Variants in PHLDB2 observed in about 807,000 individuals in gnomAD.
PHLDB2 encodes pleckstrin homology like domain family B member 2, also known as pleckstrin homology-like domain family B member 2.
Under a neutral mutation model 123.6 loss-of-function variants are expected in PHLDB2, and 71 were observed. The ratio of observed to expected loss-of-function variants is 0.57; its 90% CI spans 0.47 to 0.70. PHLDB2 has a LOEUF of 0.70. Ranked by LOEUF, PHLDB2 falls within the 30% of genes least tolerant of loss-of-function variation. PHLDB2 has a pLI of 0.00. For missense variants in PHLDB2, 1,446 were observed against 1,519.5 expected, an observed-to-expected ratio of 0.95 and a Z score of 0.80; for synonymous variants, 547 against 541.6, an observed-to-expected ratio of 1.01 and a Z score of -0.14.
intron 1 of PHLDB2, among the ~76,000 whole-genome samples, chr3:111,777,511 C>G (rs2060287948): frequency 6.6e-6 from 1 of 152,054 alleles, no homozygotes; most frequent in Non-Finnish European, 1.5e-5. Context: ...TTAAATCAGA[C>G]CAGTCCACTC....
intron 1 of PHLDB2, among the ~76,000 whole-genome samples, chr3:111,810,267 G>A (rs911456099): frequency 5.9e-5 from 9 of 152,124 alleles, no homozygotes; most frequent in East Asian, 1.9e-4. Context: ...CCATATTACC[G>A]TGTGTTTTCA....
rs370569613 is a variant in PHLDB2, at chr3:111,776,397, A to T, written c.-49+43694A>T. 1.6e-4 allele frequency among the ~76,000 whole-genome samples: 25 copies of T among 152,264 alleles called. No homozygotes were observed. In the East Asian group the frequency reaches 4.4e-3, roughly 27 times the overall value. ...CTTTCTATTAATGTAACCTATTTTC[A>T]AAGTATTTATAATTTATGGGATTTG... On this transcript the variant is annotated intron_variant, in intron 1 of 17. Coordinates refer to the PHLDB2 transcript ENST00000393923.
Position 111,969,880 on chromosome 3 carries a change from G to C in PHLDB2, c.3506G>C (p.Arg1169Pro), listed in dbSNP as rs140319291. 6.2e-7 allele frequency: 1 copy of C among 1,613,756 alleles called. No homozygotes were observed. Among genetic ancestry groups the C allele is most frequent in the Non-Finnish European group, 8.5e-7 (1 of 1,179,848 alleles). ...AAAAAACGTTGGTTTGTTTTTGATC[G>C]GAACAAGCGAACATTCTCTTATTAT... is the stretch of plus-strand genomic sequence containing the variant. ...TWKKRWFVFD[R>P]NKRTFSYYAD... is the part of the protein sequence containing the mutation. The change falls in exon 16 of 18, where the codon CGG (arginine) becomes CCG (proline). Residue 1169 changes from arginine (R) to proline (P), a missense_variant. Arg to Pro is a moderately radical substitution (Grantham distance 103). Transcript: ENST00000431670.
In PHLDB2 at chr3:111,885,255, C is replaced by T. The variant is rs2066095712; in HGVS notation, c.1178C>T (p.Ala393Val). 6.2e-7 allele frequency: 1 copy of T among 1,614,044 alleles called. No individual in the cohort carries two copies. Among genetic ancestry groups the T allele is most frequent in the South Asian group, 1.1e-5 (1 of 91,090 alleles). The change falls in exon 2 of 18, where the codon GCA becomes GTA. Residue 393 changes from alanine to valine, a missense_variant. Around this residue, in one of 3 missense-constraint regions of PHLDB2, gnomAD observed 832 missense variants for 831.9 expected, o/e 1.00. Coordinates refer to ENST00000431670, the MANE Select transcript of PHLDB2 (RefSeq NM_001134438.2). The part of the protein sequence containing the change: ...FSCGSVEFDE[A>V]DLESLRQASG... ...TGTGGATCTGTGGAATTTGATGAGG[C>T]AGATTTGGAAAGCCTCAGACAGGCC...
chr3:111,966,191 A>G (rs1048231003), intron 13 of PHLDB2, among the ~76,000 whole-genome samples: 6 of 152,182 alleles, frequency 3.9e-5, no homozygotes, highest in Non-Finnish European at 8.8e-5. Context: ...AACGTTGGTG[A>G]TAGTCTTGTT....
rs917337818 is a variant in PHLDB2, at chr3:111,940,716, A to G, written c.2397+71A>G. The stretch of plus-strand genomic sequence containing the variant: ...CAAATTCAGGGAAATTGCCCCCTTT[A>G]AAGTAAACACCTTTTAATAGTGAAT... On this transcript the variant is annotated intron_variant, in intron 8 of 17. Coordinates refer to ENST00000431670, the MANE Select transcript of PHLDB2 (RefSeq NM_001134438.2). The G allele has an allele frequency of 4.4e-5, 34 of 779,456 alleles. No homozygotes were observed. The African/African-American group carries it at 5.7e-4, about 13-fold the overall frequency. The allele number at this position is 779,456 out of a possible 1,614,324, so 48.3% of individuals were successfully genotyped here. A position where few individuals can be genotyped will look rare whatever the true frequency, so the allele number is the denominator to read the frequency against.
chr3:111,838,934 G>T (rs1038964571), intron 1 of PHLDB2, among the ~76,000 whole-genome samples: 2 of 152,116 alleles, frequency 1.3e-5, no homozygotes, highest in African/African-American at 4.8e-5. Flanking sequence ...GAATTCAGCA[G>T]AATGAATATT....
chr3:111,781,412 G>C (rs560522879), intron 1 of PHLDB2, among the ~76,000 whole-genome samples: 1 of 151,866 alleles, frequency 6.6e-6, no homozygotes, highest in Non-Finnish European at 1.5e-5. Flanking sequence ...ATTACATTCT[G>C]TATCCACAGC....
At chr3:111,774,394 G>A (rs992522971) in intron 1 of PHLDB2, among the ~76,000 whole-genome samples, 2 of 152,182 alleles carry the variant, frequency 1.3e-5, no homozygotes, top group Non-Finnish European at 1.5e-5. Context: ...CAAAGTCCTG[G>A]TGCTAATGTA....
At chr3:111,832,301 C>A (rs547297369) in intron 1 of PHLDB2, among the ~76,000 whole-genome samples, 7 of 151,992 alleles carry the variant, frequency 4.6e-5, no homozygotes, top group Middle Eastern at 3.2e-3. Flanking sequence ...ATCTTTTCAA[C>A]TTTACTGCTT....
chr3:111,780,399 A>AGAAGAAGAAGAAGAAGAAGCAGAAGAAG lies in PHLDB2; in HGVS notation c.-49+47708_-49+47709insGAAGAAGCAGAAGAAGGAAGAAGAAGAA. ...AAGAAGAAGAAGAAGAAGAAGAAGAAGAAGAAGAAGAAAAAGATTAGTTCG... is the reference window on the plus strand; with the variant it reads ...AAGAAGAAGAAGAAGAAGAAGAAGAAGAAGAAGAAGAAGAAGAAGCAGAAGAAGGAAGAAGAAGAAAAAGATTAGTTCG... On this transcript the variant is annotated intron_variant, in intron 1 of 17. Transcript: ENST00000393923. Among the ~76,000 whole-genome samples the AGAAGAAGAAGAAGAAGAAGCAGAAGAAG allele has an allele frequency of 2.7e-5, 2 of 74,452 alleles. 1 individual carries two copies. The highest frequency in any genetic ancestry group is 8.7e-4 in the East Asian group (2 of 2,306). The allele number at this position is 74,452 out of a possible 152,430, so 48.8% of individuals were successfully genotyped here.
chr3:111,893,114 G>T (rs1454242100), intron 2 of PHLDB2, among the ~76,000 whole-genome samples: 2 of 151,962 alleles, frequency 1.3e-5, no homozygotes, highest in East Asian at 3.9e-4. Context: ...AATAAGTTGG[G>T]CATTCAGACC....
chr3:111,952,466 CTGTTAAAATTCCAGTTTTTTTTG>C (rs2070775668), intron 10 of PHLDB2, 83 bp from the exon 11 acceptor site: 27 of 1,265,860 alleles, frequency 2.1e-5, no homozygotes, highest in Non-Finnish European at 2.9e-5. Flanking sequence ...AAGAAAAATT[CTGTTAAAATTCCAGTTTTTTTTG>C]TAAGTGCATA....
chr3:111,732,703 G>T (rs1382040102), exon 1 of PHLDB2: 1 of 1,534,090 alleles, frequency 6.5e-7, no homozygotes, highest in Non-Finnish European at 8.7e-7. Context: ...CAGCAGACAA[G>T]GTAGGTGATC....
intron 5 of PHLDB2, among the ~76,000 whole-genome samples, chr3:111,930,797 T>A (rs956268449): frequency 6.6e-6 from 1 of 152,258 alleles, no homozygotes; most frequent in Non-Finnish European, 1.5e-5. Context: ...TTTTCGTTGT[T>A]GTCTGTTAAA....
At chr3:111,796,359 ATC>A (rs1311305603) in intron 1 of PHLDB2, among the ~76,000 whole-genome samples, 9 of 152,128 alleles carry the variant, frequency 5.9e-5, no homozygotes, top group Non-Finnish European at 1.3e-4. Context: ...TATGGCCAAA[ATC>A]TCTCCACTTT....
At chr3:111,970,815 C>T (rs979107413) in intron 16 of PHLDB2, among the ~76,000 whole-genome samples, 9 of 151,908 alleles carry the variant, frequency 5.9e-5, no homozygotes, top group Admixed American at 2.0e-4. Context: ...ATGAGCATCA[C>T]CAGGAATAGT....
chr3:111,752,627 CT>C (rs930680716), intron 1 of PHLDB2, among the ~76,000 whole-genome samples: 1 of 150,356 alleles, frequency 6.7e-6, no homozygotes, highest in Non-Finnish European at 1.5e-5. Context: ...AAAAAAATTT[CT>C]TTTTTATTAT....
intron 1 of PHLDB2, among the ~76,000 whole-genome samples, chr3:111,877,883 G>C (rs1348857796): frequency 6.6e-6 from 1 of 151,950 alleles, no homozygotes; most frequent in African/African-American, 2.4e-5. Context: ...TTGTAGATGG[G>C]TGGTGTTATT....
Sources: gnomAD v4.1 joint callset for allele counts (sites outside exome capture counted in the v4.1 genomes callset) on GRCh38, gnomAD v4.1.1 for gene constraint, gnomAD v4.1.1 regional missense constraint, MANE v1.5 for transcripts, NCBI Gene and HGNC (gene_info 2026-07-23, HGNC 2026-07-21) for gene names.